Variants in LAMA4 observed in about 807,000 individuals in gnomAD.
The protein encoded by LAMA4 is laminin subunit alpha 4.
Under a neutral mutation model 207.1 loss-of-function variants are expected in LAMA4, and 127 were observed. The ratio of observed to expected loss-of-function variants is 0.61; its 90% confidence interval spans 0.53 to 0.71. LAMA4 has a LOEUF of 0.71. LAMA4 is among the 30% of genes least tolerant of loss of function. LAMA4 has a pLI of 0.00. For missense variants in LAMA4, 2,093 were observed against 2,246.5 expected, an observed-to-expected ratio of 0.93 and a Z score of 1.38; for synonymous variants, 761 against 816.0, an observed-to-expected ratio of 0.93 and a Z score of 1.15.
chr6:112,130,001 C>A lies in LAMA4; in HGVS notation c.4008G>T (p.Lys1336Asn). 6.2e-7 allele frequency: 1 copy of A among 1,613,298 alleles called. No homozygotes were observed. The highest frequency in any genetic ancestry group is 8.5e-7 in the Non-Finnish European group (1 of 1,179,544). The change falls in exon 30 of 39, where the codon AAG becomes AAT. Residue 1336 changes from lysine (K) to asparagine (N), a missense_variant. Lys to Asn is a moderately conservative substitution (Grantham distance 94). Around this residue, in one of 3 missense-constraint regions of LAMA4, gnomAD observed 1,704 missense variants for 1,788.4 expected, o/e 0.95. Transcript: ENST00000230538. ...LIVDKSRVGSKNPTKGKIEQT... is the reference protein window; with the variant it reads ...LIVDKSRVGSNNPTKGKIEQT... The stretch of plus-strand genomic sequence containing the variant: ...GTTCTATTTTCCCTTTGGTAGGATT[C>A]TTACTCCCAACTCTGCTTTTATCTA...
At chr6:112,148,119 C>G in intron 18 of LAMA4, 38 bp downstream of exon 18, 1 of 1,589,606 alleles carries the variant, frequency 6.3e-7, no homozygotes, top group Non-Finnish European at 8.6e-7. Context: ...TGGCCAATTC[C>G]TTAATTAGAT....
chr6:112,243,214 G>T (rs542829465), intron 2 of LAMA4, among the ~76,000 whole-genome samples: 1 of 152,212 alleles, frequency 6.6e-6, no homozygotes, highest in South Asian at 2.1e-4. Flanking sequence ...GTCTGTGGCT[G>T]GGTTGGTAAC....
intron 2 of LAMA4, among the ~76,000 whole-genome samples, chr6:112,225,797 C>A (rs1253193596): frequency 6.6e-6 from 1 of 152,176 alleles, no homozygotes; most frequent in Non-Finnish European, 1.5e-5. Flanking sequence ...TCAACAGTAA[C>A]CACAGCAACT....
chr6:112,133,981 C>G (rs569840061), intron 26 of LAMA4, among the ~76,000 whole-genome samples: 4 of 152,282 alleles, frequency 2.6e-5, no homozygotes, highest in African/African-American at 9.6e-5. Context: ...ATTAATGAAT[C>G]CATTTTGGCA....
Position 112,192,022 on chromosome 6 carries a change from C to T in LAMA4, c.504-172G>A, listed in dbSNP as rs1583850256. Among the ~76,000 whole-genome samples the T allele has an allele frequency of 4.6e-5, 7 of 152,232 alleles. No homozygotes were observed. The South Asian group carries it at 1.2e-3, about 27-fold the overall frequency. On this transcript the variant is annotated intron_variant, in intron 5 of 38. Transcript: ENST00000230538. Reference sequence around the variant, plus strand: ...ACCAGATTTCGTTTTTAAGGAACTACCCCTCCCCATTATGTTATAGATCAT... The same window carrying T: ...ACCAGATTTCGTTTTTAAGGAACTATCCCTCCCCATTATGTTATAGATCAT...
chr6:112,140,822 G>A lies in LAMA4; in HGVS notation c.2914C>T (p.Leu972=). ...GTGTCCTCAGGGTCCAGGTCCAGCA[G>A]AGAGTCATCTCCCGAAAATTCCCCC... ...KKGEFSGDDS[L]LDLDPEDTVF... is the part of the protein sequence containing the mutation. Residue 972 remains leucine, a synonymous_variant, in exon 22 of 39, where the codon CTG becomes TTG. Transcript: ENST00000230538. 6.2e-7 allele frequency: 1 copy of A among 1,614,074 alleles called. No individual in the cohort carries two copies. The highest frequency in any genetic ancestry group is 1.7e-5 in the Admixed American group (1 of 60,022).
chr6:112,221,428 A>G (rs1554360584), intron 2 of LAMA4, among the ~76,000 whole-genome samples: 1 of 152,168 alleles, frequency 6.6e-6, no homozygotes, highest in Non-Finnish European at 1.5e-5. Context: ...TGAGGCTCCA[A>G]ATAGAAAGGA....
At chr6:112,246,709 G>A (rs1786966711) in intron 2 of LAMA4, among the ~76,000 whole-genome samples, 2 of 151,902 alleles carry the variant, frequency 1.3e-5, no homozygotes, top group South Asian at 2.1e-4. Flanking sequence ...TTTAGTAGAG[G>A]CGGGGTCTCA....
chr6:112,130,163 G>C (rs1778944356), intron 29 of LAMA4, 123 bp from the exon 30 acceptor site: 2 of 810,174 alleles, frequency 2.5e-6, no homozygotes, highest in East Asian at 2.5e-5. Flanking sequence ...TGAAAAGACA[G>C]CGAGTTGCCA....
At position 112,254,193 on chromosome 6, in the gene LAMA4, C is replaced by G. The variant is rs782720904; in HGVS notation, c.-43G>C. On this transcript the variant is annotated 5_prime_UTR_variant, in exon 2 of 39. Coordinates refer to ENST00000230538, the MANE Select transcript of LAMA4 (RefSeq NM_001105206.3). ...GTAGTGCTCTTCCAGGGCTCGGGCG[C>G]TGTGGGTCTCCGTAGGTCTCCCGCG... The G allele has an allele frequency of 2.4e-5, 39 of 1,610,610 alleles. No individual in the cohort carries two copies. Among genetic ancestry groups the G allele is most frequent in the Non-Finnish European group, 3.3e-5 (39 of 1,179,644 alleles).
At chr6:112,224,799 G>C (rs1258447840) in intron 2 of LAMA4, among the ~76,000 whole-genome samples, 1 of 128,192 alleles carries the variant, frequency 7.8e-6, no homozygotes, top group African/African-American at 2.9e-5. Context: ...CTGGGCGACA[G>C]AGCAAGACTG....
intron 31 of LAMA4, among the ~76,000 whole-genome samples, chr6:112,125,450 C>G (rs1778635129): frequency 1.3e-5 from 2 of 152,178 alleles, no homozygotes; most frequent in Non-Finnish European, 2.9e-5. Flanking sequence ...GCTCGGAAAT[C>G]AGTTCTTAGA....
At chr6:112,137,233 A>G (rs1554331849) in intron 24 of LAMA4, among the ~76,000 whole-genome samples, 1 of 152,222 alleles carries the variant, frequency 6.6e-6, no homozygotes, top group African/African-American at 2.4e-5. Flanking sequence ...TTGAAAAATA[A>G]AGCATTGTGG....
At chr6:112,183,251 T>C (rs1233988064) in intron 9 of LAMA4, among the ~76,000 whole-genome samples, 1 of 152,242 alleles carries the variant, frequency 6.6e-6, no homozygotes, top group Non-Finnish European at 1.5e-5. Flanking sequence ...TAAGAATCAG[T>C]CATGGACTTT....
chr6:112,241,470 T>C (rs1473746576), intron 2 of LAMA4, among the ~76,000 whole-genome samples: 1 of 151,952 alleles, frequency 6.6e-6, no homozygotes, highest in Non-Finnish European at 1.5e-5. Flanking sequence ...ACTCTGAGAC[T>C]TAGAAACAGA....
intron 2 of LAMA4, among the ~76,000 whole-genome samples, chr6:112,227,569 T>G (rs1785292325): frequency 6.6e-6 from 1 of 152,254 alleles, no homozygotes; most frequent in Non-Finnish European, 1.5e-5. Flanking sequence ...GTGACTAATG[T>G]GGTCTTGACA....
At chr6:112,219,864 C>A (rs989326560) in intron 2 of LAMA4, among the ~76,000 whole-genome samples, 1 of 152,170 alleles carries the variant, frequency 6.6e-6, no homozygotes, top group East Asian at 1.9e-4. Context: ...ATTACTGAAG[C>A]CGGCTAATAC....
At chr6:112,176,112 G>A (rs897579264) in intron 10 of LAMA4, among the ~76,000 whole-genome samples, 3 of 152,184 alleles carry the variant, frequency 2.0e-5, no homozygotes, top group Non-Finnish European at 4.4e-5. Context: ...TTTTTTGGCA[G>A]TTGCTGTTTG....
intron 2 of LAMA4, among the ~76,000 whole-genome samples, chr6:112,226,407 C>A (rs782716393): frequency 1.1e-4 from 17 of 152,052 alleles, no homozygotes; most frequent in Non-Finnish European, 2.2e-4. Context: ...GCCCGCCTTG[C>A]CTTTGCATAT....
Sources: gnomAD v4.1 joint callset for allele counts (sites outside exome capture counted in the v4.1 genomes callset) on GRCh38, gnomAD v4.1.1 for gene constraint, gnomAD v4.1.1 regional missense constraint, MANE v1.5 for transcripts, NCBI Gene and HGNC (gene_info 2026-07-23, HGNC 2026-07-21) for gene names.